FOXP1: variants seen among roughly 807,000 people sequenced by gnomAD.
The protein encoded by FOXP1 is forkhead box P1, also known as forkhead box protein P1.
In FOXP1, 15 loss-of-function variants were observed where a neutral mutation model predicts 98.2. That is an observed-to-expected ratio of 0.15 (90% CI 0.10 to 0.24). The LOEUF (loss-of-function observed/expected upper bound fraction) is 0.24. Among genes scored for constraint, FOXP1 ranks in the 10% least tolerant of loss-of-function variants. The pLI, the probability that FOXP1 is intolerant of heterozygous loss-of-function variation, is 1.00. For missense variants in FOXP1, 633 were observed against 848.5 expected (o/e 0.75, Z 3.15); for synonymous variants, 371 against 314.5 (o/e 1.18, Z -1.90).
chr3:71,547,802 C>G (rs1352581093), intron 2 of FOXP1, among the ~76,000 whole-genome samples: 3 of 152,196 alleles, frequency 2.0e-5, no homozygotes, highest in African/African-American at 4.8e-5. Flanking sequence ...TGTGACTATT[C>G]AATCCTTTGG....
At chr3:71,417,190 A>G (rs1340809807) in intron 3 of FOXP1, among the ~76,000 whole-genome samples, 3 of 152,066 alleles carry the variant, frequency 2.0e-5, no homozygotes, top group African/African-American at 7.2e-5. Flanking sequence ...AATGGTACAG[A>G]CTCGCGACAT....
rs1358903922 is a variant in FOXP1 at position 71,190,179 on chromosome 3, C to T, written c.180+8023G>A. ...ATCTGCCTTTTCACCATCTTCCCAT[C>T]TTCCTACTGCCTCCATAGTTATTCT... On this transcript the variant is annotated intron_variant, in intron 6 of 20. Transcript: ENST00000649528. 2.0e-5 allele frequency among the ~76,000 whole-genome samples: 3 copies of T among 152,204 alleles called. No individual in the cohort carries two copies. The East Asian group carries it at 5.8e-4, about 29-fold the overall frequency.
At chr3:71,285,990 T>C (rs1433968149) in intron 5 of FOXP1, among the ~76,000 whole-genome samples, 4 of 152,340 alleles carry the variant, frequency 2.6e-5, no homozygotes, top group Middle Eastern at 6.8e-3. Context: ...TGTTAGGCGA[T>C]TTTGCTACTG....
intron 7 of FOXP1, among the ~76,000 whole-genome samples, chr3:71,054,326 G>A (rs184170290): frequency 1.8e-4 from 28 of 152,280 alleles, no homozygotes; most frequent in Non-Finnish European, 3.5e-4. Flanking sequence ...TATTCACCCA[G>A]CACACAGATG....
At chr3:70,965,133 T>C (rs948749751) in intron 20 of FOXP1, among the ~76,000 whole-genome samples, 10 of 152,170 alleles carry the variant, frequency 6.6e-5, no homozygotes, top group African/African-American at 2.2e-4. Flanking sequence ...AAGCCAATCA[T>C]TTGGAATAAT....
chr3:71,506,496 T>G (rs2041834244), intron 2 of FOXP1, among the ~76,000 whole-genome samples: 1 of 152,156 alleles, frequency 6.6e-6, no homozygotes, highest in Non-Finnish European at 1.5e-5. Flanking sequence ...GGTTTTCTTT[T>G]CCAACTAGCT....
intron 7 of FOXP1, among the ~76,000 whole-genome samples, chr3:71,099,109 A>C (rs1345644661): frequency 6.6e-6 from 1 of 152,230 alleles, no homozygotes; most frequent in Non-Finnish European, 1.5e-5. Flanking sequence ...AGTTGATTAT[A>C]AGCAAAACGA....
At position 71,227,009 on chromosome 3, in the gene FOXP1, G is replaced by A. The variant is rs889724307; in HGVS notation, c.-11-28617C>T. 5.3e-5 allele frequency among the ~76,000 whole-genome samples: 8 copies of A among 152,244 alleles called. No homozygotes were observed. In the South Asian group the frequency reaches 1.7e-3, roughly 32 times the overall value. On this transcript the variant is annotated intron_variant, in intron 5 of 20. Coordinates refer to ENST00000649528, the MANE Select transcript of FOXP1 (RefSeq NM_001349338.3). ...GCTGTGGGTGGGGAGAGTCATTTTG[G>A]TCTTCGTGGTAATGGCGGTGCCGGG...
intron 6 of FOXP1, among the ~76,000 whole-genome samples, chr3:71,179,282 C>A (rs2062141813): frequency 6.6e-6 from 1 of 151,816 alleles, no homozygotes; most frequent in South Asian, 2.1e-4. Context: ...GTGCCTGCCA[C>A]CACGCCCAGC....
At chr3:71,156,928 G>T (rs1416262853) in intron 6 of FOXP1, among the ~76,000 whole-genome samples, 3 of 152,202 alleles carry the variant, frequency 2.0e-5, no homozygotes, top group South Asian at 2.1e-4. Context: ...GGCTAATCAG[G>T]ACTGAAAAGC....
intron 5 of FOXP1, among the ~76,000 whole-genome samples, chr3:71,258,060 C>G (rs2068786390): frequency 6.6e-6 from 1 of 152,206 alleles, no homozygotes. Flanking sequence ...CTACGAATAT[C>G]TACATAGTAT....
intron 5 of FOXP1, among the ~76,000 whole-genome samples, chr3:71,226,305 G>T (rs897428844): frequency 2.6e-5 from 4 of 152,224 alleles, no homozygotes; most frequent in Admixed American, 2.0e-4. Context: ...CTTTCTTGCA[G>T]GGGAGGCTGG....
At chr3:71,382,889 G>A (rs1277375035) in intron 3 of FOXP1, among the ~76,000 whole-genome samples, 2 of 152,160 alleles carry the variant, frequency 1.3e-5, no homozygotes, top group Non-Finnish European at 2.9e-5. Flanking sequence ...ATCCTTTGAC[G>A]GCATCTCCTG....
At chr3:71,157,649 T>A (rs2321501) in intron 6 of FOXP1, among the ~76,000 whole-genome samples, 88,516 of 152,004 alleles carry the variant, frequency 0.58, 26,640 homozygotes, top group Middle Eastern at 0.69. Context: ...CAGCATTAAG[T>A]ATGTAAATCT....
chr3:71,350,712 T>C (rs765376529), intron 4 of FOXP1, among the ~76,000 whole-genome samples: 6 of 152,214 alleles, frequency 3.9e-5, no homozygotes, highest in African/African-American at 1.2e-4. Context: ...CATTCAGTTG[T>C]GGGTTAGCTG....
intron 5 of FOXP1, among the ~76,000 whole-genome samples, chr3:71,203,764 G>A (rs1237439349): frequency 6.6e-6 from 1 of 152,060 alleles, no homozygotes; most frequent in Non-Finnish European, 1.5e-5. Flanking sequence ...ATTTCTATGG[G>A]GAGAAGAGAA....
At chr3:71,583,957 T>C (rs886058870), upstream of FOXP1, 14 of 982,066 alleles carry the variant, frequency 1.4e-5, no homozygotes, top group East Asian at 1.4e-3. Context: ...GCTCCCTCTT[T>C]GCCGTTCGCC....
intron 4 of FOXP1, among the ~76,000 whole-genome samples, chr3:71,313,807 G>A (rs1276157880): frequency 1.3e-5 from 2 of 152,158 alleles, no homozygotes; most frequent in Non-Finnish European, 2.9e-5. Context: ...TTACAGGCAT[G>A]AGCCACCGTG....
chr3:71,019,160 G>C (rs1327310724), intron 11 of FOXP1, among the ~76,000 whole-genome samples: 1 of 152,104 alleles, frequency 6.6e-6, no homozygotes, highest in African/African-American at 2.4e-5. Flanking sequence ...AGACAAGAAG[G>C]GAAATAAAAA....
Sources: gnomAD v4.1 joint callset for allele counts (sites outside exome capture counted in the v4.1 genomes callset) on GRCh38, gnomAD v4.1.1 for gene constraint, MANE v1.5 for transcripts, NCBI Gene and HGNC (gene_info 2026-07-23, HGNC 2026-07-21) for gene names.